CBFA2T2: variants seen among roughly 807,000 people sequenced by gnomAD.
CBFA2T2 encodes the protein CBFA2/RUNX1 partner transcriptional co-repressor 2, also known as protein CBFA2T2.
CBFA2T2 carries 11 observed loss-of-function variants against 62.2 expected under a neutral mutation model. The observed-to-expected ratio is 0.18, with a 90% CI of 0.11 to 0.29. The LOEUF is 0.29. Ranked by LOEUF, CBFA2T2 falls within the 10% of genes least tolerant of loss-of-function variation. CBFA2T2 has a pLI of 1.00. For synonymous variants in CBFA2T2, 295 were observed against 287.5 expected (o/e 1.03, Z -0.27); for missense variants, 592 against 774.1 (o/e 0.76, Z 2.79).
At chr20:33,537,581 TA>T (rs2012300586) in intron 1 of CBFA2T2, among the ~76,000 whole-genome samples, 1 of 152,220 alleles carries the variant, frequency 6.6e-6, no homozygotes, top group Non-Finnish European at 1.5e-5. Context: ...AATCTTTGCC[TA>T]ACCCGAGTTC....
intron 1 of CBFA2T2, among the ~76,000 whole-genome samples, chr20:33,501,270 C>T (rs755781083): frequency 3.9e-5 from 6 of 152,336 alleles, no homozygotes; most frequent in Non-Finnish European, 7.3e-5. Context: ...CCTTGATACA[C>T]TATTTTGGCC....
At chr20:33,528,844 T>C (rs1368963345) in intron 1 of CBFA2T2, among the ~76,000 whole-genome samples, 1 of 152,078 alleles carries the variant, frequency 6.6e-6, no homozygotes, top group Non-Finnish European at 1.5e-5. Context: ...CGGCCTAAAA[T>C]GTCAACTCTT....
At position 33,620,103 on chromosome 20, in the gene CBFA2T2, A is replaced by G. The variant is rs142045841; in HGVS notation, c.510+497A>G. The stretch of plus-strand genomic sequence containing the variant: ...GTTTCTAAAGATGTCTTCTGCAATA[A>G]TGTTCTCTGGAGCATAACTTTTGGA... On this transcript the variant is annotated intron_variant, in intron 4 of 10. Coordinates refer to ENST00000342704, the MANE Select transcript of CBFA2T2 (RefSeq NM_001032999.3). Among the ~76,000 whole-genome samples the G allele has an allele frequency of 2.0e-5, 3 of 152,306 alleles. No individual in the cohort carries two copies. The East Asian group carries it at 5.8e-4, about 29-fold the overall frequency.
chr20:33,589,221 A>C (rs908960019), intron 1 of CBFA2T2, among the ~76,000 whole-genome samples: 1 of 152,212 alleles, frequency 6.6e-6, no homozygotes, highest in Non-Finnish European at 1.5e-5. Flanking sequence ...ATGGAGCTTC[A>C]GGGTTGAAAA....
chr20:33,495,912 A>T (rs2011194856), intron 1 of CBFA2T2, among the ~76,000 whole-genome samples: 1 of 152,100 alleles, frequency 6.6e-6, no homozygotes, highest in Non-Finnish European at 1.5e-5. Flanking sequence ...AATATATGTT[A>T]ATATATGTAA....
At chr20:33,640,919 C>T (rs1261526587) in intron 10 of CBFA2T2, among the ~76,000 whole-genome samples, 1 of 152,222 alleles carries the variant, frequency 6.6e-6, no homozygotes, top group East Asian at 1.9e-4. Flanking sequence ...TTTTGAGTCT[C>T]ACAATGGCCC....
chr20:33,614,854 A>G (rs1258190663), intron 3 of CBFA2T2, among the ~76,000 whole-genome samples: 2 of 152,206 alleles, frequency 1.3e-5, no homozygotes, highest in African/African-American at 4.8e-5. Context: ...AAAGTTTTAT[A>G]TCAATGTAGG....
At chr20:33,593,970 G>A (rs2014778630) in intron 1 of CBFA2T2, among the ~76,000 whole-genome samples, 1 of 152,202 alleles carries the variant, frequency 6.6e-6, no homozygotes, top group Non-Finnish European at 1.5e-5. Context: ...TTTATTGTAA[G>A]AGCAATAGGA....
chr20:33,584,016 T>G (rs6088253), intron 1 of CBFA2T2, among the ~76,000 whole-genome samples: 2,781 of 152,274 alleles, frequency 0.018, 35 homozygotes, highest in Non-Finnish European at 0.024. Context: ...GGTATGATCT[T>G]GGCTCACTGA....
At chr20:33,544,208 G>C (rs2012475911) in intron 1 of CBFA2T2, among the ~76,000 whole-genome samples, 1 of 152,070 alleles carries the variant, frequency 6.6e-6, no homozygotes, top group Admixed American at 6.5e-5. Context: ...CCCTCTCCCT[G>C]CCCACTGCTT....
intron 10 of CBFA2T2, 101 bp downstream of exon 10, chr20:33,640,632 CTT>C: frequency 1.9e-6 from 2 of 1,060,080 alleles, no homozygotes; most frequent in Admixed American, 2.5e-5. Context: ...GCAGTCCACT[CTT>C]GAGCTCAATG....
rs1466042811 is a variant in CBFA2T2, at chr20:33,547,688, TGTG to T, written c.34+57388_34+57390del. ...AGAGCGAGACCCTGTCTCAAAAAAA[TGTG>T]TGTGTGTGTGTGTGTGTGTGTGTGT... is the stretch of plus-strand genomic sequence containing the variant. On this transcript the variant is annotated intron_variant, in intron 1 of 10. Coordinates refer to ENST00000342704, the MANE Select transcript of CBFA2T2 (RefSeq NM_001032999.3). Among the ~76,000 whole-genome samples, 3 of 11,866 alleles carry T rather than the reference TGTG, an allele frequency of 2.5e-4. No homozygotes were observed. The African/African-American group carries it at 2.6e-3, about 10-fold the overall frequency. The allele number at this position is 11,866 out of a possible 152,430, so 7.8% of individuals were successfully genotyped here. A position where few individuals can be genotyped will look rare whatever the true frequency, so the allele number is the denominator to read the frequency against.
intron 1 of CBFA2T2, chr20:33,562,586 G>C: frequency 1.0e-6 from 1 of 985,794 alleles, no homozygotes; most frequent in Non-Finnish European, 1.2e-6. Flanking sequence ...TGAAGATTAG[G>C]AGGAGAAAAA....
chr20:33,564,620 T>G (rs1230428785), intron 1 of CBFA2T2, among the ~76,000 whole-genome samples: 1 of 152,044 alleles, frequency 6.6e-6, no homozygotes, highest in Non-Finnish European at 1.5e-5. Flanking sequence ...ACTCTGTTGA[T>G]CAGGCTAGCA....
At chr20:33,606,864 T>C (rs973813360) in intron 1 of CBFA2T2, 92 bp from the exon 2 acceptor site, 1 of 1,232,796 alleles carries the variant, frequency 8.1e-7, no homozygotes, top group African/African-American at 1.5e-5. Context: ...TACCAAGCAG[T>C]CCTCTAGGGA....
intron 4 of CBFA2T2, among the ~76,000 whole-genome samples, chr20:33,620,346 C>CA (rs760980806): frequency 0.027 from 3,804 of 141,832 alleles, 84 homozygotes; most frequent in Non-Finnish European, 0.045. Flanking sequence ...CCGTCTCTGC[C>CA]AAAAAAAAAT....
intron 8 of CBFA2T2, among the ~76,000 whole-genome samples, chr20:33,631,190 T>C (rs2016436648): frequency 3.3e-5 from 5 of 152,142 alleles, no homozygotes; most frequent in Admixed American, 3.3e-4. Flanking sequence ...GGCGGACGCC[T>C]GTACTCCCAG....
intron 1 of CBFA2T2, among the ~76,000 whole-genome samples, chr20:33,495,563 G>T (rs1277593510): frequency 5.3e-5 from 8 of 151,434 alleles, no homozygotes; most frequent in Admixed American, 5.3e-4. Context: ...GTGGTGGCGG[G>T]TTCCTGTAGT....
intron 1 of CBFA2T2, 98 bp from the exon 2 acceptor site, chr20:33,606,858 A>G (rs2015359096): frequency 8.5e-7 from 1 of 1,179,654 alleles, no homozygotes; most frequent in African/African-American, 1.5e-5. Context: ...CTATTATACC[A>G]AGCAGTCCTC....
Sources: allele counts gnomAD v4.1 joint callset (sites outside exome capture counted in the v4.1 genomes callset), GRCh38; gene constraint gnomAD v4.1.1; transcripts MANE v1.5; gene names NCBI Gene and HGNC (gene_info 2026-07-23, HGNC 2026-07-21).